SLC35D1: variants seen among roughly 807,000 people sequenced by gnomAD.
The protein encoded by SLC35D1 is solute carrier family 35 member D1, also known as nucleotide sugar transporter SLC35D1.
SLC35D1 carries 31 observed loss-of-function variants against 46.7 expected under a neutral mutation model. That is an observed-to-expected ratio of 0.66 (90% CI 0.50 to 0.90). SLC35D1 has a LOEUF of 0.90. Among genes scored for constraint, SLC35D1 ranks in the 40% least tolerant of loss-of-function variants. The pLI, the probability that SLC35D1 is intolerant of heterozygous loss-of-function variation, is 0.00. For synonymous variants in SLC35D1, 195 were observed against 164.6 expected (o/e 1.18, Z -1.41); for missense variants, 397 against 426.2 (o/e 0.93, Z 0.60).
intron 11 of SLC35D1, among the ~76,000 whole-genome samples, 193 bp downstream of exon 11, chr1:67,008,892 G>A (rs955176309): frequency 1.3e-5 from 2 of 152,054 alleles, no homozygotes; most frequent in Admixed American, 1.3e-4. Context: ...ATAGGTATAA[G>A]CCATTATGCC....
chr1:66,988,596 T>C, the SLC35D1 span: 1 of 152,344 alleles, frequency 6.6e-6, no homozygotes, highest in East Asian at 1.9e-4. Flanking sequence ...ATGTATAATG[T>C]AATTAAAATG....
rs746994668 is a variant in SLC35D1, at chr1:67,053,948, T to A, written c.66A>T (p.Thr22=). Residue 22 remains threonine, a synonymous_variant, in exon 1 of 12, where the codon ACA becomes ACT. Transcript: ENST00000235345. ...TCCCCAGCTCCTCCTCATCTCGGAG[T>A]GTGGAGGATTTCGCGGGGGCTTCTC... ...VKGEAPAKSS[T]LRDEEELGMA... is the part of the protein sequence containing the mutation. 1 of 1,613,308 alleles carries A rather than the reference T, an allele frequency of 6.2e-7. No homozygotes were observed. Among genetic ancestry groups the A allele is most frequent in the South Asian group, 1.1e-5 (1 of 91,048 alleles).
the SLC35D1 span, chr1:66,987,951 A>G: frequency 2.0e-5 from 3 of 152,284 alleles, no homozygotes; most frequent in Non-Finnish European, 4.4e-5. Context: ...TATATAATTT[A>G]AAAATAATGT....
the SLC35D1 span, among the ~76,000 whole-genome samples, chr1:66,990,196 T>C: frequency 1.3e-5 from 2 of 152,218 alleles, no homozygotes; most frequent in Non-Finnish European, 2.9e-5. Context: ...TTTGTTGTCT[T>C]ATGCATTTGC....
At chr1:67,007,668 C>T (rs939383657) in intron 11 of SLC35D1, among the ~76,000 whole-genome samples, 13 of 152,086 alleles carry the variant, frequency 8.5e-5, no homozygotes, top group African/African-American at 1.2e-4. Flanking sequence ...CTATGTGTTA[C>T]GCAGTGATGA....
rs527367618 is a variant in SLC35D1 at position 67,021,325 on chromosome 1, A to T, written c.797+210T>A. On this transcript the variant is annotated intron_variant, in intron 9 of 11. Coordinates refer to ENST00000235345, the MANE Select transcript of SLC35D1 (RefSeq NM_015139.3). ...TACTAAACAGCAGGTTATCAGGTAA[A>T]TTTTTTCTTTTCTTCATCCTTCTAA... is the stretch of plus-strand genomic sequence containing the variant. Among the ~76,000 whole-genome samples the T allele has an allele frequency of 2.0e-5, 3 of 151,966 alleles. No individual in the cohort carries two copies. The South Asian group carries it at 6.2e-4, about 32-fold the overall frequency.
the SLC35D1 span, chr1:66,985,813 AATTTT>A: frequency 1.4e-5 from 10 of 738,714 alleles, no homozygotes; most frequent in Middle Eastern, 6.9e-4. Flanking sequence ...AGGATTATAA[AATTTT>A]TTTTTTTTTT....
chr1:67,053,646 G>C (rs1198033501), intron 1 of SLC35D1, among the ~76,000 whole-genome samples, 165 bp downstream of exon 1: 1 of 151,860 alleles, frequency 6.6e-6, no homozygotes, highest in African/African-American at 2.4e-5. Flanking sequence ...TCGCCAGGCC[G>C]GCTCCGCTGC....
chr1:67,052,199 T>C (rs1428975929), intron 3 of SLC35D1, 120 bp from the exon 4 acceptor site: 3 of 727,560 alleles, frequency 4.1e-6, no homozygotes, highest in Non-Finnish European at 7.4e-6. Context: ...AACGTAAAAT[T>C]AGTTATCATA....
chr1:67,015,144 T>C (rs1196461452), intron 10 of SLC35D1, among the ~76,000 whole-genome samples: 2 of 49,974 alleles, frequency 4.0e-5, no homozygotes, highest in African/African-American at 2.0e-4. Flanking sequence ...ATAAAACACA[T>C]AAAAATGTGT....
chr1:67,032,134 G>C, intron 8 of SLC35D1: 2 of 964,390 alleles, frequency 2.1e-6, no homozygotes, highest in South Asian at 4.8e-5. Context: ...AAACAAAGAT[G>C]CTTCTTAGGC....
In SLC35D1 at chr1:66,999,598, G is replaced by A. The variant is rs1457579930; in HGVS notation, c.*4742C>T. ...TCAGCATGAGAAAGAAAACATTTGT[G>A]AAAAAAATAATCTCTAAAAACATTT... is the stretch of plus-strand genomic sequence containing the variant. On this transcript the variant is annotated 3_prime_UTR_variant, in exon 12 of 12. Coordinates refer to ENST00000235345, the MANE Select transcript of SLC35D1 (RefSeq NM_015139.3). 3 of 150,972 alleles carry A rather than the reference G, an allele frequency of 2.0e-5. No homozygotes were observed. In the East Asian group the frequency reaches 5.7e-4, roughly 29 times the overall value. 9.4% of individuals were successfully genotyped at this position (150,972 alleles called of 1,614,324 possible). A position where few individuals can be genotyped will look rare whatever the true frequency, so the allele number is the denominator to read the frequency against.
the SLC35D1 span, among the ~76,000 whole-genome samples, chr1:66,989,207 T>A: frequency 6.6e-6 from 1 of 152,198 alleles, no homozygotes; most frequent in Non-Finnish European, 1.5e-5. Context: ...TACTATTTAT[T>A]AGGTGGAGAA....
chr1:66,979,140 T>C, the SLC35D1 span, among the ~76,000 whole-genome samples: 2 of 152,128 alleles, frequency 1.3e-5, no homozygotes, highest in Non-Finnish European at 2.9e-5. Flanking sequence ...AATCATACTT[T>C]TTTACTGAGA....
intron 10 of SLC35D1, among the ~76,000 whole-genome samples, chr1:67,013,158 A>ATATATATATG (rs1553264895): frequency 9.6e-6 from 1 of 103,642 alleles, no homozygotes; most frequent in Non-Finnish European, 1.8e-5. Context: ...TATCCTGGAG[A>ATATATATATG]TATATATATA....
At chr1:67,013,158 A>ATATATATATATATATATGTATATATATG in intron 10 of SLC35D1, among the ~76,000 whole-genome samples, 1 of 103,642 alleles carries the variant, frequency 9.6e-6, no homozygotes, top group Non-Finnish European at 1.8e-5. Context: ...TATCCTGGAG[A>ATATATATATATATATATGTATATATATG]TATATATATA....
chr1:67,019,863 G>A lies in SLC35D1; in HGVS notation c.876+506C>T, dbSNP rs1667761497. On this transcript the variant is annotated intron_variant, in intron 10 of 11. Coordinates refer to ENST00000235345, the MANE Select transcript of SLC35D1 (RefSeq NM_015139.3). ...CTCCTGGCTGAAGACAAATTAGTCT[G>A]CCTCAAATAAAATGGATCAGGAGGA... Among the ~76,000 whole-genome samples the A allele has an allele frequency of 1.3e-5, 2 of 152,168 alleles. 1 individual carries two copies. The highest frequency in any genetic ancestry group is 4.1e-4 in the South Asian group (2 of 4,828).
the SLC35D1 span, among the ~76,000 whole-genome samples, chr1:66,979,327 T>G: frequency 2.6e-5 from 4 of 152,200 alleles, no homozygotes; most frequent in Non-Finnish European, 5.9e-5. Flanking sequence ...GAAATTTGAG[T>G]GAATTTTCTC....
the SLC35D1 span, among the ~76,000 whole-genome samples, chr1:66,992,331 T>C: frequency 6.6e-6 from 1 of 151,962 alleles, no homozygotes; most frequent in Non-Finnish European, 1.5e-5. Context: ...CAGAGACAAA[T>C]TAGCAGGTGC....
Sources: allele counts gnomAD v4.1 joint callset (sites outside exome capture counted in the v4.1 genomes callset), GRCh38; gene constraint gnomAD v4.1.1; transcripts MANE v1.5; gene names NCBI Gene and HGNC (gene_info 2026-07-23, HGNC 2026-07-21).